TENM1: variants seen among roughly 807,000 people sequenced by gnomAD.
TENM1 encodes the protein teneurin-1.
TENM1 carries 35 observed loss-of-function variants against 174.8 expected under a neutral mutation model. The ratio of observed to expected loss-of-function variants is 0.20; its 90% CI spans 0.15 to 0.27. The LOEUF (loss-of-function observed/expected upper bound fraction) is 0.27. Ranked by LOEUF, TENM1 falls within the 10% of genes least tolerant of loss-of-function variation. TENM1 has a pLI of 1.00. For synonymous variants in TENM1, 781 were observed against 798.7 expected (o/e 0.98, Z 0.37); for missense variants, 1,633 against 2,130.1 (o/e 0.77, Z 4.59).
the TENM1 span, among the ~76,000 whole-genome samples, chrX:125,172,618 A>G: frequency 9.0e-6 from 1 of 111,452 alleles, no homozygotes; most frequent in Admixed American, 9.6e-5. Flanking sequence ...GAGTAAATCT[A>G]CTGCATTTGA....
At chrX:125,079,973 C>T in the TENM1 span, among the ~76,000 whole-genome samples, 667 of 110,986 alleles carry the variant, frequency 6.0e-3, 5 homozygotes, top group African/African-American at 0.02. Flanking sequence ...GGAGTAATCA[C>T]GGTTATCCTG....
rs367837166 is a variant in TENM1 at position 124,481,782 on chromosome X, T to C, written c.3899A>G (p.His1300Arg). ...CGATGCTCTCCCACCATCTCCACAATGACTCTGGTCAAAGGGAAGGCACTG... is the reference window on the plus strand; with the variant it reads ...CGATGCTCTCCCACCATCTCCACAACGACTCTGGTCAAAGGGAAGGCACTG... Residue 1300 changes from histidine (H) to arginine (R), a missense_variant, in exon 22 of 32, where the codon CAT (histidine) becomes CGT (arginine). Around this residue, in one of 4 missense-constraint regions of TENM1, gnomAD observed 72 missense variants for 59.4 expected, o/e 1.21. Coordinates refer to ENST00000422452, the Ensembl canonical transcript of TENM1. The C allele has an allele frequency of 3.3e-6, 4 of 1,198,961 alleles. No homozygotes were observed. In the African/African-American group the frequency reaches 7.2e-5, roughly 21 times the overall value.
At chrX:124,521,999 A>C (rs1009789238) in intron 17 of TENM1, among the ~76,000 whole-genome samples, 1 of 111,873 alleles carries the variant, frequency 8.9e-6, no homozygotes, top group Admixed American at 9.5e-5. Flanking sequence ...TCACCAACTT[A>C]GTAGTTCATT....
At chrX:124,782,883 C>G (rs1168438413) in intron 3 of TENM1, among the ~76,000 whole-genome samples, 1 of 111,109 alleles carries the variant, frequency 9.0e-6, no homozygotes, top group East Asian at 2.8e-4. Context: ...AAGTATTTTT[C>G]ATATACATTA....
intron 5 of TENM1, among the ~76,000 whole-genome samples, chrX:124,681,311 A>C (rs150583880): frequency 0.013 from 1,509 of 111,893 alleles, 16 homozygotes; most frequent in Non-Finnish European, 0.023. Context: ...CATCTGCCTT[A>C]TAAGATGTGA....
intron 11 of TENM1, among the ~76,000 whole-genome samples, chrX:124,576,089 G>A (rs997293327): frequency 1.6e-4 from 18 of 110,125 alleles, no homozygotes; most frequent in Admixed American, 3.9e-4. Flanking sequence ...AGACGGAGTC[G>A]CACTCTGTCA....
chrX:124,942,234 G>T (rs1343432736), intron 1 of TENM1, among the ~76,000 whole-genome samples: 1 of 111,357 alleles, frequency 9.0e-6, no homozygotes, highest in Non-Finnish European at 1.9e-5. Context: ...AGAAAATTTG[G>T]ATATTTAATG....
At chrX:124,944,138 T>G (rs2058368206) in intron 1 of TENM1, among the ~76,000 whole-genome samples, 3 of 111,864 alleles carry the variant, frequency 2.7e-5, no homozygotes, top group Non-Finnish European at 3.8e-5. Flanking sequence ...ATTATAATGA[T>G]AAGTTCAAGA....
At chrX:124,491,387 A>T (rs1418959148) in intron 20 of TENM1, among the ~76,000 whole-genome samples, 2 of 111,883 alleles carry the variant, frequency 1.8e-5, no homozygotes, top group African/African-American at 6.5e-5. Context: ...GTCTGCATAC[A>T]TGGAGCAAAT....
upstream of TENM1, among the ~76,000 whole-genome samples, chrX:124,966,516 G>C (rs1304499877): frequency 9.2e-6 from 1 of 108,856 alleles, no homozygotes; most frequent in Non-Finnish European, 1.9e-5. Flanking sequence ...CAAAAAATTA[G>C]CCGGGCGTGG....
chrX:125,048,345 C>T, the TENM1 span, among the ~76,000 whole-genome samples: 9 of 103,179 alleles, frequency 8.7e-5, no homozygotes, highest in Non-Finnish European at 1.8e-4. Context: ...ACTGCAGCCT[C>T]GAACTCCTGG....
At chrX:124,798,962 T>G (rs1043063543) in intron 3 of TENM1, among the ~76,000 whole-genome samples, 2 of 111,772 alleles carry the variant, frequency 1.8e-5, no homozygotes, top group Admixed American at 9.5e-5. Context: ...ACCCCATTGC[T>G]TTTTCTTTTT....
upstream of TENM1, among the ~76,000 whole-genome samples, chrX:124,967,233 G>A (rs1026986882): frequency 4.8e-4 from 53 of 110,899 alleles, no homozygotes; most frequent in African/African-American, 1.7e-3. Context: ...GAGATGCTAT[G>A]GAAACCTAAG....
At chrX:124,715,265 C>G (rs1306512270) in intron 4 of TENM1, among the ~76,000 whole-genome samples, 1 of 111,556 alleles carries the variant, frequency 9.0e-6, no homozygotes, top group African/African-American at 3.3e-5. Flanking sequence ...TGGAATGCCA[C>G]CCTATAGTTT....
At chrX:124,445,398 C>A (rs1432756628) in intron 23 of TENM1, among the ~76,000 whole-genome samples, 1 of 111,735 alleles carries the variant, frequency 8.9e-6, no homozygotes, top group Non-Finnish European at 1.9e-5. Context: ...GGAGAGGAGT[C>A]AAGCATCAAA....
the TENM1 span, among the ~76,000 whole-genome samples, chrX:125,037,529 T>C: frequency 9.0e-6 from 1 of 110,960 alleles, no homozygotes; most frequent in East Asian, 2.9e-4. Flanking sequence ...TTAAAGGCCA[T>C]ACTGGGCCCT....
At chrX:124,787,477 C>A (rs1190366890) in intron 3 of TENM1, among the ~76,000 whole-genome samples, 1 of 110,738 alleles carries the variant, frequency 9.0e-6, no homozygotes, top group East Asian at 2.8e-4. Context: ...CTGCCTTTAG[C>A]AATACTCTTG....
chrX:124,961,729 T>C (rs908043731), intron 1 of TENM1, among the ~76,000 whole-genome samples: 2 of 111,114 alleles, frequency 1.8e-5, no homozygotes, highest in Non-Finnish European at 3.8e-5. Flanking sequence ...TTGGGGGTGA[T>C]GGTGAGGCAA....
the TENM1 span, among the ~76,000 whole-genome samples, chrX:125,003,429 A>T: frequency 8.9e-6 from 1 of 111,998 alleles, no homozygotes; most frequent in African/African-American, 3.2e-5. Context: ...CCACCGGTAT[A>T]GAAATGATTC....
Sources: gnomAD v4.1 joint callset for allele counts (sites outside exome capture counted in the v4.1 genomes callset) on GRCh38, gnomAD v4.1.1 for gene constraint, gnomAD v4.1.1 regional missense constraint, MANE v1.5 for transcripts, NCBI Gene and HGNC (gene_info 2026-07-23, HGNC 2026-07-21) for gene names.